Variants in USP15 observed in about 807,000 individuals in gnomAD.
USP15 encodes ubiquitin carboxyl-terminal hydrolase 15.
In USP15, 18 loss-of-function variants were observed where a neutral mutation model predicts 127.1. That is an observed-to-expected ratio of 0.14 (90% CI 0.10 to 0.21). USP15 has a LOEUF of 0.21. USP15 is among the 10% of genes least tolerant of loss of function. The pLI is 1.00. For synonymous variants in USP15, 364 were observed against 393.7 expected (o/e 0.92, Z 0.89); for missense variants, 805 against 1,159.9 (o/e 0.69, Z 4.44).
chr12:62,361,413 G>C (rs552174234), intron 8 of USP15, among the ~76,000 whole-genome samples: 1 of 152,034 alleles, frequency 6.6e-6, no homozygotes, highest in African/African-American at 2.4e-5. Context: ...ACATAATAGA[G>C]ATCTTAGAGA....
chr12:62,365,787 C>T (rs1188586300), intron 8 of USP15, among the ~76,000 whole-genome samples: 4 of 152,102 alleles, frequency 2.6e-5, no homozygotes. Context: ...CCAGTTTTCC[C>T]AACAACATTT....
intron 8 of USP15, among the ~76,000 whole-genome samples, chr12:62,360,782 A>G (rs1434545477): frequency 6.6e-6 from 1 of 152,094 alleles, no homozygotes; most frequent in Non-Finnish European, 1.5e-5. Flanking sequence ...GGCTAATGAA[A>G]AATTTAAAAC....
intron 1 of USP15, among the ~76,000 whole-genome samples, chr12:62,293,651 C>T (rs771737984): frequency 1.3e-5 from 2 of 152,190 alleles, no homozygotes; most frequent in South Asian, 2.1e-4. Flanking sequence ...CCACTGCGCC[C>T]GGCTGTAATT....
intron 1 of USP15, 101 bp from the exon 2 acceptor site, chr12:62,294,078 T>G: frequency 1.6e-6 from 2 of 1,242,746 alleles, no homozygotes; most frequent in South Asian, 3.0e-5. Context: ...TTGAAGTAGA[T>G]ATGTCTTTTA....
At chr12:62,296,076 A>G (rs1487907260) in intron 2 of USP15, among the ~76,000 whole-genome samples, 2 of 152,230 alleles carry the variant, frequency 1.3e-5, no homozygotes, top group African/African-American at 4.8e-5. Flanking sequence ...GTTGGAAGGA[A>G]TCATGTGAGA....
chr12:62,354,330 A>G (rs11174439), intron 7 of USP15, among the ~76,000 whole-genome samples: 15,867 of 151,956 alleles, frequency 0.1, 1,161 homozygotes, highest in Non-Finnish European at 0.15. Flanking sequence ...ATTGCTAGAG[A>G]TACTGATTTA....
chr12:62,300,136 A>G (rs1379311748), intron 2 of USP15, among the ~76,000 whole-genome samples: 2 of 151,956 alleles, frequency 1.3e-5, no homozygotes, highest in African/African-American at 4.8e-5. Flanking sequence ...TTGAAGCACA[A>G]AAGTTTTTTA....
At chr12:62,328,930 AGAT>A (rs61215696) in intron 6 of USP15, among the ~76,000 whole-genome samples, 90 of 152,324 alleles carry the variant, frequency 5.9e-4, no homozygotes, top group African/African-American at 2.0e-3. Context: ...TGCTTAAAGA[AGAT>A]GATTATTTAG....
rs1306909383 is a variant in USP15, at chr12:62,415,177, C to A, written c.*10802C>A. ...GAAAACCAATGATAAAAGTTCCAGT[C>A]CACAAGCTACCTGGCTAAAGACCCA... is the stretch of plus-strand genomic sequence containing the variant. On this transcript the variant is annotated 3_prime_UTR_variant, in exon 22 of 22. Coordinates refer to ENST00000280377, the MANE Select transcript of USP15 (RefSeq NM_001252078.2). 19 of 152,148 alleles carry A rather than the reference C, an allele frequency of 1.2e-4. No individual in the cohort carries two copies. Among genetic ancestry groups the A allele is most frequent in the Admixed American group, 1.2e-3 (18 of 15,272 alleles). The allele number at this position is 152,148 out of a possible 1,614,324, so 9.4% of individuals were successfully genotyped here. A position where few individuals can be genotyped will look rare whatever the true frequency, so the allele number is the denominator to read the frequency against.
intron 4 of USP15, among the ~76,000 whole-genome samples, 195 bp from the exon 5 acceptor site, chr12:62,321,269 T>G (rs997214741): frequency 2.6e-5 from 4 of 152,160 alleles, no homozygotes; most frequent in African/African-American, 9.6e-5. Context: ...TTTGTTGGAG[T>G]ACAAATACCA....
At chr12:62,328,195 A>C (rs1204732306) in intron 6 of USP15, 2 of 372,868 alleles carry the variant, frequency 5.4e-6, no homozygotes, top group Non-Finnish European at 1.1e-5. Flanking sequence ...ACTAGAACTG[A>C]GAAAATTCAG....
rs2068002789 is a variant in USP15 at position 62,410,118 on chromosome 12, T to G, written c.*5743T>G. On this transcript the variant is annotated 3_prime_UTR_variant, in exon 22 of 22. Coordinates refer to ENST00000280377, the MANE Select transcript of USP15 (RefSeq NM_001252078.2). ...ATACAGCATTTAATCTTCTTTCAAG[T>G]GAGAACCATCTTTCCATTATATCAA... 6.6e-6 allele frequency: 1 copy of G among 152,152 alleles called. No individual in the cohort carries two copies. Among genetic ancestry groups the G allele is most frequent in the African/African-American group, 2.4e-5 (1 of 41,468 alleles). The allele number at this position is 152,152 out of a possible 1,614,324, so 9.4% of individuals were successfully genotyped here. A position where few individuals can be genotyped will look rare whatever the true frequency, so the allele number is the denominator to read the frequency against.
rs372625367 is a variant in USP15, at chr12:62,335,312, T to C, written c.683+9379T>C. On this transcript the variant is annotated intron_variant, in intron 6 of 21. Coordinates refer to ENST00000280377, the MANE Select transcript of USP15 (RefSeq NM_001252078.2). ...TTAACTCCACAAATGTTAGCTAGAT[T>C]GGACCATGTGTAATCTGAGTCAGAA... is the stretch of plus-strand genomic sequence containing the variant. 3.3e-5 allele frequency: 49 copies of C among 1,468,042 alleles called. No individual in the cohort carries two copies. In the East Asian group the frequency reaches 1.1e-3, roughly 32 times the overall value. 90.9% of individuals were successfully genotyped at this position (1,468,042 alleles called of 1,614,324 possible).
chr12:62,308,472 CT>C (rs975596734), intron 3 of USP15, among the ~76,000 whole-genome samples: 42 of 151,970 alleles, frequency 2.8e-4, no homozygotes, highest in African/African-American at 9.7e-4. Flanking sequence ...GATGCCTGTA[CT>C]TCTATTGGGA....
At chr12:62,349,482 C>T (rs771827564) in intron 7 of USP15, among the ~76,000 whole-genome samples, 175 bp downstream of exon 7, 12 of 151,898 alleles carry the variant, frequency 7.9e-5, no homozygotes, top group Non-Finnish European at 1.8e-4. Context: ...AATTAAATTG[C>T]TTCTTGATTT....
At chr12:62,398,018 G>GCT (rs924646277) in intron 20 of USP15, among the ~76,000 whole-genome samples, 2 of 148,714 alleles carry the variant, frequency 1.3e-5, no homozygotes, top group African/African-American at 5.0e-5. Context: ...TTTGAGACTG[G>GCT]CTCTCTCTCT....
intron 21 of USP15, among the ~76,000 whole-genome samples, chr12:62,403,275 T>C (rs1372924489): frequency 2.6e-5 from 4 of 152,020 alleles, no homozygotes; most frequent in Non-Finnish European, 5.9e-5. Flanking sequence ...GAGACAATGG[T>C]GGGCTGAGGA....
chr12:62,371,392 G>A (rs944546420), intron 8 of USP15, among the ~76,000 whole-genome samples: 9 of 152,068 alleles, frequency 5.9e-5, no homozygotes, highest in Non-Finnish European at 1.0e-4. Flanking sequence ...TATATCCCCA[G>A]TGTTAGTATA....
At chr12:62,300,224 G>A (rs1404735912) in intron 2 of USP15, among the ~76,000 whole-genome samples, 5 of 151,970 alleles carry the variant, frequency 3.3e-5, no homozygotes, top group Non-Finnish European at 7.4e-5. Context: ...AACCAAGGTT[G>A]CAAAGATTTA....
Sources: gnomAD v4.1 joint callset for allele counts (sites outside exome capture counted in the v4.1 genomes callset) on GRCh38, gnomAD v4.1.1 for gene constraint, MANE v1.5 for transcripts, NCBI Gene and HGNC (gene_info 2026-07-23, HGNC 2026-07-21) for gene names.